Variants in DAOA observed in about 807,000 individuals in gnomAD.
DAOA encodes the protein D-amino acid oxidase activator.
In DAOA, 15 loss-of-function variants were observed where a neutral mutation model predicts 16.4. The observed-to-expected ratio is 0.91, with a 90% CI of 0.61 to 1.41. The LOEUF (loss-of-function observed/expected upper bound fraction) is 1.41, where lower values mean the gene tolerates loss of function less well. Ranked by LOEUF, DAOA falls within the 40% of genes most tolerant of loss-of-function variation. The pLI is 0.00. For missense variants in DAOA, 230 were observed against 176.8 expected (o/e 1.30, Z -1.71); for synonymous variants, 75 against 59.1 (o/e 1.27, Z -1.23).
At chr13:105,489,134 G>C (rs972675103) in intron 4 of DAOA, among the ~76,000 whole-genome samples, 3 of 152,166 alleles carry the variant, frequency 2.0e-5, no homozygotes, top group Non-Finnish European at 2.9e-5. Context: ...CAGGAAATTT[G>C]TTGGTTGGAA....
At chr13:105,489,060 A>G (rs544910979) in intron 4 of DAOA, among the ~76,000 whole-genome samples, 1 of 152,364 alleles carries the variant, frequency 6.6e-6, no homozygotes, top group African/African-American at 2.4e-5. Flanking sequence ...ACAATGTGGT[A>G]GAGCCCGGAT....
intron 4 of DAOA, among the ~76,000 whole-genome samples, chr13:105,484,594 A>T (rs1178802144): frequency 6.6e-6 from 1 of 152,148 alleles, no homozygotes; most frequent in East Asian, 1.9e-4. Flanking sequence ...ACAATTTTTT[A>T]AAATTCAATT....
At chr13:105,469,622 G>A (rs891721560) in intron 3 of DAOA, among the ~76,000 whole-genome samples, 1 of 152,150 alleles carries the variant, frequency 6.6e-6, no homozygotes, top group African/African-American at 2.4e-5. Flanking sequence ...CAAACTCAAG[G>A]TTATAAACTA....
At chr13:105,478,927 C>G (rs546283274) in intron 4 of DAOA, among the ~76,000 whole-genome samples, 1 of 152,170 alleles carries the variant, frequency 6.6e-6, no homozygotes. Flanking sequence ...CTCTTGTCTA[C>G]TCATTTGTGT....
At chr13:105,467,473 C>T (rs1426168735) in intron 3 of DAOA, 2 of 170,514 alleles carry the variant, frequency 1.2e-5, no homozygotes, top group African/African-American at 4.7e-5. Context: ...GGCAGTAGTT[C>T]TGCTTTCAAG....
chr13:105,488,529 ACG>A (rs1878291314), intron 4 of DAOA, among the ~76,000 whole-genome samples: 1 of 152,148 alleles, frequency 6.6e-6, no homozygotes, highest in Non-Finnish European at 1.5e-5. Flanking sequence ...GAGCTTAAAA[ACG>A]CAATTATCTG....
intron 4 of DAOA, among the ~76,000 whole-genome samples, chr13:105,476,405 A>G (rs1448844869): frequency 6.6e-6 from 1 of 151,908 alleles, no homozygotes; most frequent in Non-Finnish European, 1.5e-5. Flanking sequence ...CTTTCTTAAC[A>G]ATTTTCACCC....
At chr13:105,466,390 T>C (rs1876517411) in intron 2 of DAOA, 58 bp downstream of exon 2, 9 of 1,611,886 alleles carry the variant, frequency 5.6e-6, no homozygotes, top group South Asian at 4.4e-5. Context: ...GACATTTGCA[T>C]GGCAGCACAG....
At chr13:105,480,065 C>T (rs1055392076) in intron 4 of DAOA, among the ~76,000 whole-genome samples, 1 of 152,116 alleles carries the variant, frequency 6.6e-6, no homozygotes, top group Non-Finnish European at 1.5e-5. Context: ...AATAATAGGT[C>T]ATTTTTCAAT....
In DAOA at chr13:105,490,062, C is replaced by G. The variant is rs1878412221; in HGVS notation, c.443C>G (p.Thr148Ser). 1 of 1,569,616 alleles carries G rather than the reference C, an allele frequency of 6.4e-7. No homozygotes were observed. Among genetic ancestry groups the G allele is most frequent in the Admixed American group, 1.9e-5 (1 of 52,948 alleles). The part of the protein sequence containing the change: ...KDQSCNHKEI[T>S]STKAE Reference sequence around the variant, plus strand: ...CAGTCATGCAACCACAAGGAAATAACTTCTACCAAAGCTGAATGAGTTTGG... The same window carrying G: ...CAGTCATGCAACCACAAGGAAATAAGTTCTACCAAAGCTGAATGAGTTTGG... The change falls in exon 5 of 6, where the codon ACT becomes AGT. Residue 148 changes from threonine to serine, a missense_variant. Transcript: ENST00000375936.
At chr13:105,485,282 C>A (rs1878028655) in intron 4 of DAOA, among the ~76,000 whole-genome samples, 1 of 152,108 alleles carries the variant, frequency 6.6e-6, no homozygotes, top group South Asian at 2.1e-4. Context: ...ATTTCACAGA[C>A]AGATCAAACT....
chr13:105,469,419 T>G (rs1876770366), intron 3 of DAOA, among the ~76,000 whole-genome samples: 1 of 152,228 alleles, frequency 6.6e-6, no homozygotes, highest in East Asian at 1.9e-4. Context: ...AATCCTATTT[T>G]ATTTCTTTCA....
chr13:105,466,700 A>G (rs570918880), intron 2 of DAOA, among the ~76,000 whole-genome samples: 1 of 152,136 alleles, frequency 6.6e-6, no homozygotes, highest in African/African-American at 2.4e-5. Context: ...TTTGTTTAGC[A>G]CTGTGTAGAA....
intron 4 of DAOA, among the ~76,000 whole-genome samples, chr13:105,486,733 C>T (rs1048111239): frequency 2.0e-5 from 3 of 151,990 alleles, no homozygotes; most frequent in Non-Finnish European, 4.4e-5. Flanking sequence ...ATTCTCCTGC[C>T]CCAGCCTCCC....
intron 3 of DAOA, among the ~76,000 whole-genome samples, 171 bp downstream of exon 3, chr13:105,467,312 G>C (rs1380777448): frequency 6.6e-6 from 1 of 152,208 alleles, no homozygotes; most frequent in Non-Finnish European, 1.5e-5. Context: ...TTGGTTTCTG[G>C]AGTGTTAGCA....
intron 4 of DAOA, among the ~76,000 whole-genome samples, chr13:105,485,395 G>A (rs1019978316): frequency 6.6e-6 from 1 of 152,242 alleles, no homozygotes; most frequent in Admixed American, 6.5e-5. Context: ...AAACCTGGAA[G>A]TCAACCACGA....
intron 4 of DAOA, among the ~76,000 whole-genome samples, chr13:105,483,287 C>G (rs1234478873): frequency 1.3e-5 from 2 of 152,106 alleles, no homozygotes; most frequent in Non-Finnish European, 2.9e-5. Context: ...CAGGTTTCAG[C>G]TGCTGTAAGT....
At chr13:105,477,941 T>C (rs186219457) in intron 4 of DAOA, among the ~76,000 whole-genome samples, 1 of 152,336 alleles carries the variant, frequency 6.6e-6, no homozygotes, top group Non-Finnish European at 1.5e-5. Context: ...ATTTAACTTG[T>C]TATGTTTAAG....
intron 4 of DAOA, among the ~76,000 whole-genome samples, chr13:105,486,954 T>C (rs554618084): frequency 3.3e-5 from 5 of 152,248 alleles, no homozygotes; most frequent in African/African-American, 1.2e-4. Context: ...CTTCTATTTC[T>C]TCATTTTCTC....
Sources: allele counts gnomAD v4.1 joint callset (sites outside exome capture counted in the v4.1 genomes callset), GRCh38; gene constraint gnomAD v4.1.1; transcripts MANE v1.5; gene names NCBI Gene and HGNC (gene_info 2026-07-23, HGNC 2026-07-21).